The following RGPD2 variants were observed in gnomAD, a reference collection of about 807,000 sequenced individuals.
The protein encoded by RGPD2 is RANBP2 like and GRIP domain containing 2.
A neutral mutation model predicts 36.0 loss-of-function variants in RGPD2; 2 were observed. That is an observed-to-expected ratio of 0.06 (90% confidence interval 0.02 to 0.17). The LOEUF (loss-of-function observed/expected upper bound fraction) is 0.17. Ranked by LOEUF, RGPD2 falls within the 10% of genes least tolerant of loss-of-function variation. RGPD2 has a pLI of 1.00. For synonymous variants in RGPD2, 19 were observed against 163.8 expected (o/e 0.12, Z 6.75); for missense variants, 40 against 464.3 (o/e 0.09, Z 8.40).
At chr2:87,938,043 T>A in the RGPD2 span, among the ~76,000 whole-genome samples, 3 of 151,684 alleles carry the variant, frequency 2.0e-5, no homozygotes, top group Non-Finnish European at 4.4e-5. Context: ...TTGGAGAGAG[T>A]TAATATGGAC....
At chr2:87,988,550 T>A in the RGPD2 span, among the ~76,000 whole-genome samples, 8 of 121,524 alleles carry the variant, frequency 6.6e-5, no homozygotes, top group East Asian at 2.8e-4. Flanking sequence ...TATTTTTTTT[T>A]TTTCTTTTGA....
the RGPD2 span, among the ~76,000 whole-genome samples, chr2:87,867,755 T>A: frequency 6.7e-6 from 1 of 148,838 alleles, no homozygotes; most frequent in Non-Finnish European, 1.5e-5. Context: ...AACTCTTTTT[T>A]ATTTGACATA....
At chr2:87,789,804 CAAT>C (rs1243956940) in intron 17 of RGPD2, among the ~76,000 whole-genome samples, 1 of 142,520 alleles carries the variant, frequency 7.0e-6, no homozygotes, top group East Asian at 2.3e-4. Flanking sequence ...GTTAGGTAAA[CAAT>C]ATTAGCTCCT....
At chr2:87,943,825 T>C in the RGPD2 span, among the ~76,000 whole-genome samples, 2 of 151,960 alleles carry the variant, frequency 1.3e-5, no homozygotes, top group East Asian at 1.9e-4. Flanking sequence ...TTCATTCTTC[T>C]GCATATGAGT....
At chr2:87,920,274 TG>T in the RGPD2 span, among the ~76,000 whole-genome samples, 1 of 151,894 alleles carries the variant, frequency 6.6e-6, no homozygotes, top group African/African-American at 2.4e-5. Context: ...AACTCTCAAG[TG>T]GGGAAAAAAA....
the RGPD2 span, among the ~76,000 whole-genome samples, chr2:87,952,593 A>G: frequency 6.6e-6 from 1 of 152,186 alleles, no homozygotes; most frequent in Non-Finnish European, 1.5e-5. Flanking sequence ...CAATTAGATA[A>G]TAAGGCTTCT....
At chr2:87,853,053 C>CT in the RGPD2 span, among the ~76,000 whole-genome samples, 1 of 152,334 alleles carries the variant, frequency 6.6e-6, no homozygotes, top group East Asian at 1.9e-4. Context: ...AGTTAATGAC[C>CT]TGCTCGGTAA....
chr2:87,842,206 C>T, the RGPD2 span, among the ~76,000 whole-genome samples: 1 of 151,816 alleles, frequency 6.6e-6, no homozygotes, highest in African/African-American at 2.4e-5. Flanking sequence ...GAAGTTGTGG[C>T]CAGGGCAATT....
At chr2:87,947,841 G>C in the RGPD2 span, among the ~76,000 whole-genome samples, 2 of 152,404 alleles carry the variant, frequency 1.3e-5, no homozygotes, top group South Asian at 4.1e-4. Flanking sequence ...TGTGTTTCTC[G>C]CTCTGGTAAC....
chr2:87,983,186 A>G, the RGPD2 span, among the ~76,000 whole-genome samples: 47 of 152,160 alleles, frequency 3.1e-4, no homozygotes, highest in South Asian at 1.7e-3. Context: ...CAGGCGTGGA[A>G]GTGCATGCCT....
the RGPD2 span, chr2:87,972,811 C>A: frequency 1.2e-6 from 2 of 1,611,838 alleles, no homozygotes; most frequent in Non-Finnish European, 1.7e-6. Flanking sequence ...GCTGCACCTA[C>A]TACTATGAGC....
the RGPD2 span, among the ~76,000 whole-genome samples, chr2:87,915,340 A>ATATTATATATATTGTGTATATAT: frequency 9.1e-6 from 1 of 109,580 alleles, no homozygotes; most frequent in Non-Finnish European, 1.8e-5. Context: ...TTGTATATAT[A>ATATTATATATATTGTGTATATAT]ATGTATATTA....
At chr2:87,915,880 T>G in the RGPD2 span, among the ~76,000 whole-genome samples, 3 of 151,432 alleles carry the variant, frequency 2.0e-5, no homozygotes, top group Non-Finnish European at 2.9e-5. Context: ...AATGCCTAAA[T>G]AACTTCATAA....
At chr2:87,868,960 G>A in the RGPD2 span, among the ~76,000 whole-genome samples, 5 of 150,946 alleles carry the variant, frequency 3.3e-5, no homozygotes, top group African/African-American at 7.3e-5. Flanking sequence ...GACTGAAACC[G>A]TAACTATTGT....
chr2:87,927,558 T>C, the RGPD2 span, among the ~76,000 whole-genome samples: 2 of 151,486 alleles, frequency 1.3e-5, no homozygotes, highest in African/African-American at 4.8e-5. Context: ...GAAGTGTCCT[T>C]ACATTTTTTT....
At chr2:87,861,559 C>T in the RGPD2 span, among the ~76,000 whole-genome samples, 4 of 152,000 alleles carry the variant, frequency 2.6e-5, no homozygotes, top group African/African-American at 9.7e-5. Context: ...TGCTCCAATC[C>T]CTGGTAATAG....
chr2:87,813,569 T>A (rs1300020926), intron 4 of RGPD2, among the ~76,000 whole-genome samples: 1 of 118,090 alleles, frequency 8.5e-6, no homozygotes, highest in African/African-American at 3.2e-5. Context: ...GACCAAGCCG[T>A]CCATTACTAC....
intron 4 of RGPD2, among the ~76,000 whole-genome samples, chr2:87,813,139 TA>T (rs1686167535): frequency 6.6e-6 from 1 of 152,254 alleles, no homozygotes; most frequent in Admixed American, 6.5e-5. Flanking sequence ...TAAACACATA[TA>T]AATACACACA....
the RGPD2 span, among the ~76,000 whole-genome samples, chr2:87,984,174 T>C: frequency 3.3e-5 from 5 of 151,370 alleles, no homozygotes; most frequent in Admixed American, 1.3e-4. Context: ...AAGATAAAAT[T>C]TCTCAGGAAG....
Sources: gnomAD v4.1 joint callset for allele counts (sites outside exome capture counted in the v4.1 genomes callset) on GRCh38, gnomAD v4.1.1 for gene constraint, MANE v1.5 for transcripts, NCBI Gene and HGNC (gene_info 2026-07-23, HGNC 2026-07-21) for gene names.